The following XRN1 variants were observed in gnomAD, a reference collection of about 807,000 sequenced individuals.
XRN1 encodes 5'-3' exoribonuclease 1.
XRN1 carries 67 observed loss-of-function variants against 222.3 expected under a neutral mutation model. The observed-to-expected ratio is 0.30, with a 90% CI of 0.25 to 0.37. The LOEUF (loss-of-function observed/expected upper bound fraction) is 0.37, where lower values mean the gene tolerates loss of function less well. XRN1 is among the 10% of genes least tolerant of loss of function. The probability of loss-of-function intolerance (pLI) is 1.00; values close to 1 mark genes in which losing one functional copy is unlikely to be tolerated. For missense variants in XRN1, 1,707 were observed against 2,000.2 expected (o/e 0.85, Z 2.80); for synonymous variants, 643 against 652.4 (o/e 0.99, Z 0.22).
At chr3:142,397,574 A>C (rs2067977181) in intron 19 of XRN1, 114 bp from the exon 20 acceptor site, 2 of 708,016 alleles carry the variant, frequency 2.8e-6, no homozygotes, top group Non-Finnish European at 4.1e-6. Flanking sequence ...CTAGCAAAAA[A>C]CCCCACAACT....
At chr3:142,342,100 G>C (rs574212709) in intron 33 of XRN1, among the ~76,000 whole-genome samples, 1 of 152,242 alleles carries the variant, frequency 6.6e-6, no homozygotes, top group Admixed American at 6.5e-5. Flanking sequence ...GATAAATTCA[G>C]TAAAGTTTCA....
intron 2 of XRN1, among the ~76,000 whole-genome samples, chr3:142,431,889 TATAATATATATATTATATATATAA>T (rs2069572510): frequency 0.024 from 919 of 38,362 alleles, 33 homozygotes; most frequent in African/African-American, 0.095. Context: ...ATATATTATA[TATAATATATATATTATATATATAA>T]ATATATATAA....
chr3:142,414,685 CG>C (rs1430685664), intron 13 of XRN1, among the ~76,000 whole-genome samples: 2 of 151,914 alleles, frequency 1.3e-5, no homozygotes, highest in Non-Finnish European at 2.9e-5. Flanking sequence ...TTAGTAGAGA[CG>C]GGGTTTCACC....
chr3:142,318,531 A>G, intron 39 of XRN1, 61 bp downstream of exon 39: 2 of 1,419,220 alleles, frequency 1.4e-6, no homozygotes, highest in Non-Finnish European at 1.9e-6. Flanking sequence ...TTGATTTCTT[A>G]AAAGAGCTTA....
intron 27 of XRN1, among the ~76,000 whole-genome samples, chr3:142,367,962 C>G (rs2107874535): frequency 6.6e-6 from 1 of 150,628 alleles, no homozygotes; most frequent in South Asian, 2.1e-4. Context: ...AAAAATCACT[C>G]ATAACTGCAC....
chr3:142,420,573 C>T (rs887895647), intron 10 of XRN1, among the ~76,000 whole-genome samples: 5 of 151,892 alleles, frequency 3.3e-5, no homozygotes, highest in African/African-American at 9.7e-5. Flanking sequence ...GGTTTCGCCA[C>T]GTTGGCCAGG....
rs528748818 is a variant in XRN1 at position 142,412,620 on chromosome 3, G to A, written c.1637C>T (p.Pro546Leu). The change falls in exon 15 of 41, where the codon CCA becomes CTA. Residue 546 changes from proline (P) to leucine (L), a missense_variant. Around this residue, in one of 2 missense-constraint regions of XRN1, gnomAD observed 1,234 missense variants for 1,518.2 expected, o/e 0.81. Transcript: ENST00000392981. The stretch of plus-strand genomic sequence containing the variant: ...ATTTAGGTCAGTTTTAAAATCAGGT[G>A]GGTAATATTCTATAATTGGTGAGTC... ...NEDSPIIEYYPPDFKTDLNGK... is the reference protein window; with the variant it reads ...NEDSPIIEYYLPDFKTDLNGK... 1.2e-6 allele frequency: 2 copies of A among 1,605,902 alleles called. No homozygotes were observed. The highest frequency in any genetic ancestry group is 1.3e-5 in the African/African-American group (1 of 74,962).
In XRN1 at chr3:142,376,184, T is replaced by G. The variant is rs1326429530; in HGVS notation, c.2832-240A>C. 9.9e-6 allele frequency: 7 copies of G among 708,138 alleles called. No homozygotes were observed. In the East Asian group the frequency reaches 2.2e-4, roughly 23 times the overall value. 43.9% of individuals were successfully genotyped at this position (708,138 alleles called of 1,614,324 possible). A position where few individuals can be genotyped will look rare whatever the true frequency, so the allele number is the denominator to read the frequency against. On this transcript the variant is annotated intron_variant, in intron 24 of 40. Coordinates refer to ENST00000392981, the MANE Select transcript of XRN1 (RefSeq NM_001282857.2). ...AGCATGTAAATAAATTATGTAATTATAGAGGAAAATGAAATAACAAGATGC... is the reference window on the plus strand; with the variant it reads ...AGCATGTAAATAAATTATGTAATTAGAGAGGAAAATGAAATAACAAGATGC...
chr3:142,421,103 T>G lies in XRN1; in HGVS notation c.1086A>C (p.Glu362Asp), dbSNP rs2069012642. The G allele has an allele frequency of 6.2e-7, 1 of 1,613,898 alleles. No individual in the cohort carries two copies. Among genetic ancestry groups the G allele is most frequent in the African/African-American group, 1.3e-5 (1 of 74,928 alleles). ...TGAGGTACTTGTTACCAACTTTGCT[T>G]TCAAACCATTTTAGGTCCACAAAAA... ...SEVFVDLKWF[E>D]SKVGNKYLNE... Residue 362 changes from glutamate (E) to aspartate (D), a missense_variant, in exon 10 of 41, where the codon GAA (glutamate) becomes GAC (aspartate). Glu to Asp is a conservative substitution (Grantham distance 45). Coordinates refer to ENST00000392981, the MANE Select transcript of XRN1 (RefSeq NM_001282857.2).
intron 20 of XRN1, among the ~76,000 whole-genome samples, chr3:142,394,778 C>A (rs1169780761): frequency 6.6e-6 from 1 of 152,204 alleles, no homozygotes; most frequent in Non-Finnish European, 1.5e-5. Context: ...AAAACCAGCT[C>A]TACTCAATCC....
intron 1 of XRN1, among the ~76,000 whole-genome samples, chr3:142,434,059 T>G (rs1577441633): frequency 6.6e-6 from 1 of 152,216 alleles, no homozygotes; most frequent in Admixed American, 6.5e-5. Flanking sequence ...AGTTTTAAAG[T>G]GCACTCAAGA....
rs1208544272 is a variant in XRN1 at position 142,310,545 on chromosome 3, A to G, written c.*966T>C. ...TCACAAACTGATGACTGTGCCTCCT[A>G]TATTGTAGCACACCTTGGAACTTAA... On this transcript the variant is annotated 3_prime_UTR_variant, in exon 41 of 41. Transcript: ENST00000392981. 3 of 152,622 alleles carry G rather than the reference A, an allele frequency of 2.0e-5. No homozygotes were observed. Among genetic ancestry groups the G allele is most frequent in the Non-Finnish European group, 4.4e-5 (3 of 68,026 alleles). The allele number at this position is 152,622 out of a possible 1,614,324, so 9.5% of individuals were successfully genotyped here.
intron 39 of XRN1, among the ~76,000 whole-genome samples, chr3:142,316,279 C>T (rs755761152): frequency 1.4e-5 from 2 of 145,992 alleles, no homozygotes; most frequent in African/African-American, 5.1e-5. Flanking sequence ...TGCAGTGGCA[C>T]GATCACAGCT....
At chr3:142,428,843 G>C (rs778100910) in intron 2 of XRN1, among the ~76,000 whole-genome samples, 1 of 152,172 alleles carries the variant, frequency 6.6e-6, no homozygotes, top group Non-Finnish European at 1.5e-5. Context: ...GGATATATAG[G>C]AGCTTAGGAG....
At chr3:142,348,930 G>GA (rs2066228895) in intron 32 of XRN1, among the ~76,000 whole-genome samples, 2 of 151,978 alleles carry the variant, frequency 1.3e-5, no homozygotes, top group Non-Finnish European at 2.9e-5. Context: ...ATGAGCCACT[G>GA]TGCCCAGCCC....
At position 142,402,935 on chromosome 3, in the gene XRN1, T is replaced by G. The variant is rs188936183; in HGVS notation, c.2103+739A>C. Among the ~76,000 whole-genome samples, 187 of 152,334 alleles carry G rather than the reference T, an allele frequency of 1.2e-3. 1 individual carries two copies. The highest frequency in any genetic ancestry group is 4.4e-3 in the African/African-American group (183 of 41,584). On this transcript the variant is annotated intron_variant, in intron 18 of 40. Transcript: ENST00000392981. ...CTTGTTCATCTAGATCTATTGCTACTTCTGAAGTTTATGTCTCTATCACCT... is the reference window on the plus strand; with the variant it reads ...CTTGTTCATCTAGATCTATTGCTACGTCTGAAGTTTATGTCTCTATCACCT...
At chr3:142,342,422 T>C (rs2066022310) in intron 33 of XRN1, among the ~76,000 whole-genome samples, 1 of 152,250 alleles carries the variant, frequency 6.6e-6, no homozygotes, top group South Asian at 2.1e-4. Context: ...TGAAATTCTT[T>C]ACATAAATAG....
At chr3:142,395,441 C>T (rs2067893308) in intron 20 of XRN1, among the ~76,000 whole-genome samples, 2 of 152,192 alleles carry the variant, frequency 1.3e-5, no homozygotes, top group South Asian at 4.1e-4. Context: ...TTGTTATCAT[C>T]TCCAGCAGTC....
At chr3:142,414,512 T>TC (rs1479756436) in intron 13 of XRN1, among the ~76,000 whole-genome samples, 1 of 152,048 alleles carries the variant, frequency 6.6e-6, no homozygotes, top group East Asian at 1.9e-4. Flanking sequence ...TTTTTTTTTT[T>TC]TGAGACAGAG....
Sources: allele counts gnomAD v4.1 joint callset (sites outside exome capture counted in the v4.1 genomes callset), GRCh38; gene constraint gnomAD v4.1.1; regional missense constraint gnomAD v4.1.1; transcripts MANE v1.5; gene names NCBI Gene and HGNC (gene_info 2026-07-23, HGNC 2026-07-21).